The following TMPRSS2 variants were observed in gnomAD, a reference collection of about 807,000 sequenced individuals.
The protein encoded by TMPRSS2 is transmembrane serine protease 2.
Under a neutral mutation model 67.4 loss-of-function variants are expected in TMPRSS2, and 59 were observed. The observed-to-expected ratio is 0.88, with a 90% CI of 0.71 to 1.09. The LOEUF is 1.09. Among genes scored for constraint, TMPRSS2 ranks in the 50% least tolerant of loss-of-function variants. The pLI is 0.00. For synonymous variants in TMPRSS2, 257 were observed against 257.0 expected (o/e 1.00, Z 0.00); for missense variants, 668 against 642.7 (o/e 1.04, Z -0.43).
At chr21:41,468,335 C>T (rs2091101646) in intron 12 of TMPRSS2, 61 bp downstream of exon 12, 2 of 1,597,216 alleles carry the variant, frequency 1.3e-6, no homozygotes, top group Non-Finnish European at 8.6e-7. Flanking sequence ...TGCCCTCTCT[C>T]TCATGGGGGG....
rs779200981 is a variant in TMPRSS2 at position 41,480,599 on chromosome 21, C to A, written c.449G>T (p.Arg150Leu). 5.6e-5 allele frequency: 90 copies of A among 1,613,438 alleles called. No homozygotes were observed. Among genetic ancestry groups the A allele is most frequent in the Non-Finnish European group, 7.5e-5 (89 of 1,180,012 alleles). Reference protein sequence around the residue: ...PGGEDENRCVRLYGPNFILQV... With the variant: ...PGGEDENRCVLLYGPNFILQV... ...AAGGATGAAGTTTGGTCCGTAGAGG[C>A]GAACTGCACGAGAGGGAGGATTATC... The change falls in exon 6 of 14, where the codon CGC becomes CTC. Residue 150 changes from arginine to leucine, a missense_variant. Arg to Leu is a moderately radical substitution (Grantham distance 102). Coordinates refer to ENST00000332149, the MANE Select transcript of TMPRSS2 (RefSeq NM_005656.4).
intron 10 of TMPRSS2, 121 bp from the exon 11 acceptor site, chr21:41,470,864 T>A: frequency 1.6e-6 from 1 of 630,714 alleles, no homozygotes; most frequent in South Asian, 2.3e-5. Context: ...GGACCCTGCA[T>A]CCCAACAAGT....
intron 5 of TMPRSS2, among the ~76,000 whole-genome samples, chr21:41,481,870 CT>C (rs1255251402): frequency 1.3e-5 from 2 of 152,080 alleles, no homozygotes; most frequent in African/African-American, 4.8e-5. Context: ...TGAGATCAGC[CT>C]GGCCAACATG....
chr21:41,495,531 G>A (rs570041169), intron 2 of TMPRSS2, among the ~76,000 whole-genome samples: 4 of 151,382 alleles, frequency 2.6e-5, no homozygotes, highest in African/African-American at 4.9e-5. Flanking sequence ...AGGCCGAGGC[G>A]GGAGAATTGC....
At chr21:41,502,862 T>C (rs2091433207) in intron 1 of TMPRSS2, among the ~76,000 whole-genome samples, 1 of 152,202 alleles carries the variant, frequency 6.6e-6, no homozygotes. Context: ...ATTACAAACT[T>C]TTTAGGGCAG....
intron 2 of TMPRSS2, among the ~76,000 whole-genome samples, chr21:41,497,829 C>T (rs1254212917): frequency 6.6e-6 from 1 of 152,216 alleles, no homozygotes; most frequent in Non-Finnish European, 1.5e-5. Context: ...TCATCTGTCC[C>T]CACTCCTTGT....
chr21:41,467,902 A>G lies in TMPRSS2; in HGVS notation c.1315-16T>C. ...CACTGTCACCCTGTGGGACACAGCA[A>G]GGTACAGAGAGCAGAAAATCAAGTC... On this transcript the variant is annotated splice_polypyrimidine_tract_variant and intron_variant, in intron 12 of 13. Transcript: ENST00000332149. 1.9e-6 allele frequency: 3 copies of G among 1,614,012 alleles called. No homozygotes were observed. Among genetic ancestry groups the G allele is most frequent in the Non-Finnish European group, 2.5e-6 (3 of 1,179,920 alleles).
At chr21:41,496,986 A>G (rs975538145) in intron 2 of TMPRSS2, among the ~76,000 whole-genome samples, 3 of 151,748 alleles carry the variant, frequency 2.0e-5, no homozygotes, top group African/African-American at 7.3e-5. Flanking sequence ...GATTACAGGC[A>G]TGCACCACCA....
At chr21:41,467,966 T>TG in intron 12 of TMPRSS2, 80 bp from the exon 13 acceptor site, 1 of 1,547,760 alleles carries the variant, frequency 6.5e-7, no homozygotes. Flanking sequence ...CTAGAGGAGT[T>TG]GGGGGGCGGG....
chr21:41,485,106 G>A (rs2091286555), intron 5 of TMPRSS2, among the ~76,000 whole-genome samples: 1 of 151,604 alleles, frequency 6.6e-6, no homozygotes, highest in Non-Finnish European at 1.5e-5. Flanking sequence ...GTGTGTGTGT[G>A]TGTGTGTGTG....
intron 4 of TMPRSS2, 124 bp downstream of exon 4, chr21:41,489,383 G>T (rs1330296886): frequency 1.5e-6 from 1 of 671,172 alleles, no homozygotes; most frequent in Non-Finnish European, 2.6e-6. Flanking sequence ...AGACAGCCTC[G>T]TTATGTAAGA....
Position 41,468,392 on chromosome 21 carries a change from T to A in TMPRSS2, c.1314+4A>T. 2.5e-6 allele frequency: 4 copies of A among 1,613,950 alleles called. No individual in the cohort carries two copies. The highest frequency in any genetic ancestry group is 3.4e-6 in the Non-Finnish European group (4 of 1,179,962). The stretch of plus-strand genomic sequence containing the variant: ...CCAAAGGTAGAATAAAAATGTTGAA[T>A]TACCTGGCAAGAATCGACGTTCCCC... On this transcript the variant is annotated splice_donor_region_variant and intron_variant, in intron 12 of 13. Coordinates refer to ENST00000332149, the MANE Select transcript of TMPRSS2 (RefSeq NM_005656.4).
At position 41,471,882 on chromosome 21, in the gene TMPRSS2, A is replaced by C. The variant is rs1174306452; in HGVS notation, c.999T>G (p.Ser333=). The change falls in exon 10 of 14, where the codon TCT becomes TCG. Residue 333 remains serine, a synonymous_variant. Transcript: ENST00000332149. ...TGGTCTTGGAGTCATAATTTGGATG[A>C]GAAATCACTTTTTCTACTTGGTATC... is the stretch of plus-strand genomic sequence containing the variant. ...GAGYQVEKVI[S]HPNYDSKTKN... The C allele has an allele frequency of 6.2e-7, 1 of 1,613,634 alleles. No individual in the cohort carries two copies. Among genetic ancestry groups the C allele is most frequent in the East Asian group, 2.2e-5 (1 of 44,882 alleles).
intron 4 of TMPRSS2, 70 bp from the exon 5 acceptor site, chr21:41,488,583 C>T: frequency 6.6e-7 from 1 of 1,520,794 alleles, no homozygotes; most frequent in Non-Finnish European, 8.9e-7. Context: ...GAGTGAGGAA[C>T]ACCGTGGCAT....
chr21:41,470,701 A>G lies in TMPRSS2; in HGVS notation c.1118T>C (p.Leu373Pro). ...PVCLPNPGMM[L>P]QPEQLCWISG... Reference sequence around the variant, plus strand: ...AATCCAGCAGAGCTGTTCTGGCTGCAGCATCATGCCTGGGTTGGGCAGACA... The same window carrying G: ...AATCCAGCAGAGCTGTTCTGGCTGCGGCATCATGCCTGGGTTGGGCAGACA... The change falls in exon 11 of 14, where the codon CTG (leucine) becomes CCG (proline). Residue 373 changes from leucine to proline, a missense_variant. Transcript: ENST00000332149. The G allele has an allele frequency of 6.2e-7, 1 of 1,613,696 alleles. No homozygotes were observed. The highest frequency in any genetic ancestry group is 8.5e-7 in the Non-Finnish European group (1 of 1,179,990).
chr21:41,495,223 C>CT, intron 2 of TMPRSS2, among the ~76,000 whole-genome samples: 1 of 152,232 alleles, frequency 6.6e-6, no homozygotes, highest in South Asian at 2.1e-4. Context: ...ACTATTCATT[C>CT]TTTTTTTCTT....
chr21:41,477,051 G>T (rs186275240), intron 7 of TMPRSS2, among the ~76,000 whole-genome samples: 1 of 152,156 alleles, frequency 6.6e-6, no homozygotes, highest in East Asian at 1.9e-4. Flanking sequence ...AGTTTCCCTA[G>T]GATTAGAAGA....
chr21:41,494,677 T>A, intron 2 of TMPRSS2, 99 bp from the exon 3 acceptor site: 2 of 1,085,674 alleles, frequency 1.8e-6, no homozygotes, highest in Non-Finnish European at 1.4e-6. Context: ...ACCAATGATC[T>A]TTTAAATTGA....
chr21:41,468,415 C>G lies in TMPRSS2; in HGVS notation c.1295G>C (p.Gly432Ala), dbSNP rs570454392. ...AATTACCTGGCAAGAATCGACGTTC[C>G]CCTGCAGGAAGCCGGCACAGATCAT... ...PAMICAGFLQGNVDSCQGDSG... is the reference protein window; with the variant it reads ...PAMICAGFLQANVDSCQGDSG... The change falls in exon 12 of 14, where the codon GGG becomes GCG. Residue 432 changes from glycine to alanine, a missense_variant. By Grantham distance (60) the Gly-to-Ala change is moderately conservative. Coordinates refer to ENST00000332149, the MANE Select transcript of TMPRSS2 (RefSeq NM_005656.4). The G allele has an allele frequency of 1.9e-6, 3 of 1,614,110 alleles. No homozygotes were observed. Among genetic ancestry groups the G allele is most frequent in the African/African-American group, 2.7e-5 (2 of 75,034 alleles).
Sources: gnomAD v4.1 joint callset for allele counts (sites outside exome capture counted in the v4.1 genomes callset) on GRCh38, gnomAD v4.1.1 for gene constraint, MANE v1.5 for transcripts, NCBI Gene and HGNC (gene_info 2026-07-23, HGNC 2026-07-21) for gene names.